PWWP2B: variants seen among roughly 807,000 people sequenced by gnomAD.
The protein encoded by PWWP2B is PWWP domain containing 2B.
A neutral mutation model predicts 15.5 loss-of-function variants in PWWP2B; 9 were observed. The observed-to-expected ratio is 0.58, with a 90% CI of 0.35 to 1.02. The LOEUF (loss-of-function observed/expected upper bound fraction) is 1.02, where lower values mean the gene tolerates loss of function less well. Ranked by LOEUF, PWWP2B falls within the 50% of genes least tolerant of loss-of-function variation. PWWP2B has a pLI of 0.02. For synonymous variants in PWWP2B, 474 were observed against 403.6 expected (o/e 1.17, Z -2.09); for missense variants, 864 against 865.3 (o/e 1.00, Z 0.02).
chr10:132,398,623 T>C (rs909919292), intron 1 of PWWP2B, among the ~76,000 whole-genome samples: 4 of 152,230 alleles, frequency 2.6e-5, no homozygotes, highest in African/African-American at 9.6e-5. Flanking sequence ...AGGCTGAGAA[T>C]ATCTGCAGTG....
chr10:132,406,389 C>G, intron 2 of PWWP2B, 100 bp downstream of exon 2: 1 of 1,038,538 alleles, frequency 9.6e-7, no homozygotes, highest in Non-Finnish European at 1.4e-6. Flanking sequence ...CAGGGAGCCG[C>G]CGCCTGTGCC....
At chr10:132,417,039 C>T in intron 2 of PWWP2B, 22 bp from the exon 3 acceptor site, 2 of 1,613,412 alleles carry the variant, frequency 1.2e-6, no homozygotes, top group South Asian at 2.2e-5. Flanking sequence ...TAAATCTCTG[C>T]CCCTTTTTGC....
intron 1 of PWWP2B, 69 bp downstream of exon 1, chr10:132,397,420 C>G (rs2069552022): frequency 8.7e-7 from 1 of 1,148,698 alleles, no homozygotes; most frequent in South Asian, 4.0e-5. Context: ...CGCCCGGAGA[C>G]CCGGGACCCG....
rs139675990 is a variant in PWWP2B at position 132,406,698 on chromosome 10, C to T, written c.*16+409C>T. Among the ~76,000 whole-genome samples the T allele has an allele frequency of 3.7e-3, 556 of 152,322 alleles. 2 individuals carry two copies. The highest frequency in any genetic ancestry group is 0.013 in the African/African-American group (522 of 41,572). On this transcript the variant is annotated intron_variant, in intron 2 of 2. Coordinates refer to ENST00000305233, the MANE Select transcript of PWWP2B (RefSeq NM_138499.4). ...TACTCACTCAGGGAACAAACTCTCACTGCTCTTTCCAAAGATCAGAGCGGG... is the reference window on the plus strand; with the variant it reads ...TACTCACTCAGGGAACAAACTCTCATTGCTCTTTCCAAAGATCAGAGCGGG...
rs760481545 is a variant in PWWP2B at position 132,397,238 on chromosome 10, C to CGCCGGCT, written c.25_31dup (p.Val11AlafsTer51). 4 of 1,224,452 alleles carry CGCCGGCT rather than the reference C, an allele frequency of 3.3e-6. No homozygotes were observed. Among genetic ancestry groups the CGCCGGCT allele is most frequent in the Non-Finnish European group, 3.1e-6 (3 of 973,652 alleles). 75.8% of individuals were successfully genotyped at this position (1,224,452 alleles called of 1,614,324 possible). On this transcript the variant is annotated frameshift_variant, in exon 1 of 3. Transcript: ENST00000305233. LOFTEE classifies it high-confidence loss of function. ...GACGCGGCGGGAGCATGGAGCCGCG[C>CGCCGGCT]GCCGGCTGCCGGCTGCCGGTGCGGG... is the stretch of plus-strand genomic sequence containing the variant.
intron 2 of PWWP2B, among the ~76,000 whole-genome samples, chr10:132,408,972 C>T (rs1267333417): frequency 6.6e-6 from 1 of 152,244 alleles, no homozygotes; most frequent in Non-Finnish European, 1.5e-5. Context: ...CACACTTGGG[C>T]ACCCCTCCGT....
At chr10:132,416,013 C>T (rs570013322) in intron 2 of PWWP2B, among the ~76,000 whole-genome samples, 5 of 152,360 alleles carry the variant, frequency 3.3e-5, no homozygotes, top group South Asian at 4.1e-4. Flanking sequence ...CAGGCCTCCC[C>T]GCGTGCCGCT....
rs1416260801 is a variant in PWWP2B, at chr10:132,404,016, T to C, written c.126-610T>C. On this transcript the variant is annotated intron_variant, in intron 1 of 2. Coordinates refer to ENST00000305233, the MANE Select transcript of PWWP2B (RefSeq NM_138499.4). Reference sequence around the variant, plus strand: ...GTAGGACGGCATTCTCCAGGGCTCCTGCAGGACGGCATTCTCCAGGGCTCC... The same window carrying C: ...GTAGGACGGCATTCTCCAGGGCTCCCGCAGGACGGCATTCTCCAGGGCTCC... 2.3e-4 allele frequency among the ~76,000 whole-genome samples: 11 copies of C among 48,016 alleles called. No individual in the cohort carries two copies. In the East Asian group the frequency reaches 3.1e-3, roughly 14 times the overall value. The allele number at this position is 48,016 out of a possible 152,430, so 31.5% of individuals were successfully genotyped here.
rs1250376601 is a variant in PWWP2B, at chr10:132,397,248, C to T, written c.22C>T (p.Arg8Trp). 12 of 1,276,412 alleles carry T rather than the reference C, an allele frequency of 9.4e-6. No homozygotes were observed. In the South Asian group the frequency reaches 1.4e-4, roughly 15 times the overall value. 79.1% of individuals were successfully genotyped at this position (1,276,412 alleles called of 1,614,324 possible). A position where few individuals can be genotyped will look rare whatever the true frequency, so the allele number is the denominator to read the frequency against. Residue 8 changes from arginine to tryptophan, a missense_variant, in exon 1 of 3, where the codon CGG (arginine) becomes TGG (tryptophan). Physicochemically the swap from Arg to Trp is moderately radical, Grantham distance 101. Coordinates refer to ENST00000305233, the MANE Select transcript of PWWP2B (RefSeq NM_138499.4). ...GAGCATGGAGCCGCGCGCCGGCTGCCGGCTGCCGGTGCGGGTGGAGCAGGT... is the reference window on the plus strand; with the variant it reads ...GAGCATGGAGCCGCGCGCCGGCTGCTGGCTGCCGGTGCGGGTGGAGCAGGT... MEPRAGCRLPVRVEQVVN... is the reference protein window; with the variant it reads MEPRAGCWLPVRVEQVVN...
At chr10:132,399,832 C>G (rs2069592026) in intron 1 of PWWP2B, among the ~76,000 whole-genome samples, 2 of 152,186 alleles carry the variant, frequency 1.3e-5, no homozygotes, top group South Asian at 4.1e-4. Flanking sequence ...GAGGGGTGGC[C>G]TGAGGACAGA....
At chr10:132,412,741 A>T (rs991097793) in intron 2 of PWWP2B, among the ~76,000 whole-genome samples, 6 of 152,194 alleles carry the variant, frequency 3.9e-5, no homozygotes, top group African/African-American at 1.4e-4. Flanking sequence ...CTGCACCAAG[A>T]CTTGCGGCCA....
intron 2 of PWWP2B, among the ~76,000 whole-genome samples, chr10:132,408,132 C>T (rs913745694): frequency 7.9e-5 from 12 of 152,248 alleles, no homozygotes; most frequent in South Asian, 2.1e-4. Flanking sequence ...GGGCCTGCGC[C>T]GGGACCAGCC....
Position 132,397,302 on chromosome 10 carries a change from A to G in PWWP2B, c.76A>G (p.Ser26Gly). ...CAACGGCGCGCTGGTGGTCACGGTG[A>G]GCTGCGGCGAGCGGAGCTTCGCGGG... is the stretch of plus-strand genomic sequence containing the variant. Reference protein sequence around the residue: ...VVNGALVVTVSCGERSFAGIL... With the variant: ...VVNGALVVTVGCGERSFAGIL... Residue 26 changes from serine to glycine, a missense_variant, in exon 1 of 3, where the codon AGC becomes GGC. Transcript: ENST00000305233. 1 of 1,429,284 alleles carries G rather than the reference A, an allele frequency of 7.0e-7. No homozygotes were observed. Among genetic ancestry groups the G allele is most frequent in the Non-Finnish European group, 9.2e-7 (1 of 1,081,764 alleles). The allele number at this position is 1,429,284 out of a possible 1,614,324, so 88.5% of individuals were successfully genotyped here.
chr10:132,415,637 A>ACACACACC (rs1564878854), intron 2 of PWWP2B, among the ~76,000 whole-genome samples: 1 of 137,546 alleles, frequency 7.3e-6, no homozygotes, highest in South Asian at 2.2e-4. Flanking sequence ...ATCCACTCAC[A>ACACACACC]CACCCACTCA....
At chr10:132,414,557 G>A (rs2069819384) in intron 2 of PWWP2B, among the ~76,000 whole-genome samples, 1 of 152,300 alleles carries the variant, frequency 6.6e-6, no homozygotes, top group African/African-American at 2.4e-5. Flanking sequence ...AAGTTTGGGA[G>A]GGACCCCAGG....
intron 2 of PWWP2B, among the ~76,000 whole-genome samples, chr10:132,415,688 C>T (rs2069843204): frequency 1.4e-5 from 2 of 147,396 alleles, no homozygotes; most frequent in Non-Finnish European, 2.9e-5. Flanking sequence ...CATATCCACA[C>T]ACACATGCAC....
chr10:132,398,258 T>C (rs924917028), intron 1 of PWWP2B, among the ~76,000 whole-genome samples: 1 of 152,254 alleles, frequency 6.6e-6, no homozygotes. Context: ...CCTTCCACAA[T>C]TATTTCGCAG....
At chr10:132,399,993 C>T (rs1439568933) in intron 1 of PWWP2B, among the ~76,000 whole-genome samples, 1 of 152,192 alleles carries the variant, frequency 6.6e-6, no homozygotes, top group Non-Finnish European at 1.5e-5. Context: ...CCTCTGTGAA[C>T]CACACCCTAG....
chr10:132,410,768 C>T (rs1480808027), intron 2 of PWWP2B, among the ~76,000 whole-genome samples: 2 of 152,182 alleles, frequency 1.3e-5, no homozygotes, highest in African/African-American at 2.4e-5. Context: ...GCTCCACCGA[C>T]GTGCGGACTG....
Sources: gnomAD v4.1 joint callset for allele counts (sites outside exome capture counted in the v4.1 genomes callset) on GRCh38, gnomAD v4.1.1 for gene constraint, MANE v1.5 for transcripts, NCBI Gene and HGNC (gene_info 2026-07-23, HGNC 2026-07-21) for gene names.